The following PRRX1 variants were observed in gnomAD, a reference collection of about 807,000 sequenced individuals.
PRRX1 encodes paired related homeobox 1, also known as paired mesoderm homeobox protein 1.
In PRRX1, 8 loss-of-function variants were observed where a neutral mutation model predicts 24.0. The observed-to-expected ratio is 0.33, with a 90% confidence interval of 0.20 to 0.60. The LOEUF is 0.60. Among genes scored for constraint, PRRX1 ranks in the 20% least tolerant of loss-of-function variants. The pLI is 0.82. For missense variants in PRRX1, 281 were observed against 322.4 expected (o/e 0.87, Z 0.98); for synonymous variants, 160 against 131.7 (o/e 1.22, Z -1.47).
At chr1:170,708,945 G>A (rs1654657714) in intron 1 of PRRX1, among the ~76,000 whole-genome samples, 1 of 152,102 alleles carries the variant, frequency 6.6e-6, no homozygotes, top group South Asian at 2.1e-4. Flanking sequence ...GAGTGTGAAT[G>A]GACCAGGTTG....
intron 3 of PRRX1, among the ~76,000 whole-genome samples, chr1:170,733,931 C>A (rs1655522173): frequency 6.6e-6 from 1 of 152,060 alleles, no homozygotes; most frequent in Non-Finnish European, 1.5e-5. Flanking sequence ...CTAAAACAAA[C>A]TTGTCCCACT....
intron 1 of PRRX1, among the ~76,000 whole-genome samples, chr1:170,677,084 T>C (rs1289244620): frequency 6.6e-6 from 1 of 152,204 alleles, no homozygotes; most frequent in East Asian, 1.9e-4. Flanking sequence ...AAGAATGCAT[T>C]TTGTTGGATT....
chr1:170,692,718 C>T (rs1654033222), intron 1 of PRRX1, among the ~76,000 whole-genome samples: 1 of 119,322 alleles, frequency 8.4e-6, no homozygotes, highest in Non-Finnish European at 1.8e-5. Flanking sequence ...CAAATCCTCT[C>T]TCTCTCTCTC....
At chr1:170,674,218 G>A (rs893576004) in intron 1 of PRRX1, among the ~76,000 whole-genome samples, 5 of 151,650 alleles carry the variant, frequency 3.3e-5, no homozygotes, top group Admixed American at 6.6e-5. Context: ...ACACACACAC[G>A]TGTGCGCGCT....
intron 1 of PRRX1, among the ~76,000 whole-genome samples, chr1:170,665,297 C>G (rs1215909205): frequency 6.6e-6 from 1 of 152,198 alleles, no homozygotes; most frequent in Non-Finnish European, 1.5e-5. Flanking sequence ...GTCCAGTTTC[C>G]CTTCCCCATC....
intron 1 of PRRX1, among the ~76,000 whole-genome samples, chr1:170,688,293 A>G (rs995042521): frequency 2.6e-4 from 39 of 152,106 alleles, no homozygotes; most frequent in Admixed American, 1.2e-3. Context: ...TAGTGTTAAT[A>G]TATATTTCTG....
intron 1 of PRRX1, among the ~76,000 whole-genome samples, chr1:170,693,143 C>T (rs1054899154): frequency 6.6e-6 from 1 of 152,008 alleles, no homozygotes; most frequent in African/African-American, 2.4e-5. Context: ...TCTCAGGAGA[C>T]AGAAGCTATA....
chr1:170,725,678 G>A (rs1235352188), intron 2 of PRRX1, among the ~76,000 whole-genome samples: 2 of 152,102 alleles, frequency 1.3e-5, no homozygotes, highest in Non-Finnish European at 2.9e-5. Flanking sequence ...TTTCATCTCT[G>A]TTACTTCCTT....
At chr1:170,721,377 C>T (rs1049947258) in intron 2 of PRRX1, among the ~76,000 whole-genome samples, 1 of 152,178 alleles carries the variant, frequency 6.6e-6, no homozygotes, top group African/African-American at 2.4e-5. Flanking sequence ...ACAGCCAGAA[C>T]TTGAGCTAGA....
At chr1:170,692,395 C>T (rs963135352) in intron 1 of PRRX1, among the ~76,000 whole-genome samples, 1 of 151,992 alleles carries the variant, frequency 6.6e-6, no homozygotes, top group East Asian at 1.9e-4. Context: ...GTGAGCCTGT[C>T]GGGATATCTT....
chr1:170,729,412 C>A (rs1221149931), intron 3 of PRRX1, among the ~76,000 whole-genome samples: 3 of 151,780 alleles, frequency 2.0e-5, no homozygotes, highest in African/African-American at 4.8e-5. Context: ...CACAGTTATC[C>A]CCTGAAAAAA....
intron 3 of PRRX1, chr1:170,728,525 T>C (rs540454598): frequency 6.6e-6 from 1 of 152,340 alleles, no homozygotes; most frequent in African/African-American, 2.4e-5. Flanking sequence ...TAAAGTCATA[T>C]GACCTAGTAC....
At chr1:170,722,917 C>T (rs1002504014) in intron 2 of PRRX1, among the ~76,000 whole-genome samples, 3 of 152,072 alleles carry the variant, frequency 2.0e-5, no homozygotes, top group Non-Finnish European at 4.4e-5. Context: ...ATTTAGGAGT[C>T]CACAGGTAAT....
At chr1:170,679,535 G>A (rs1353913574) in intron 1 of PRRX1, among the ~76,000 whole-genome samples, 1 of 152,152 alleles carries the variant, frequency 6.6e-6, no homozygotes, top group African/African-American at 2.4e-5. Flanking sequence ...TAGTAGCTGG[G>A]ACTACAGGTG....
chr1:170,689,840 C>G (rs1653873298), intron 1 of PRRX1, among the ~76,000 whole-genome samples: 1 of 10,824 alleles, frequency 9.2e-5, no homozygotes, highest in African/African-American at 3.0e-4. Flanking sequence ...CTCTCTCTCC[C>G]TCTCTCTCTC....
chr1:170,733,523 C>T (rs1655506410), intron 3 of PRRX1, among the ~76,000 whole-genome samples: 1 of 152,108 alleles, frequency 6.6e-6, no homozygotes, highest in Non-Finnish European at 1.5e-5. Context: ...TATACTCTCT[C>T]ATAAGTTTTA....
At chr1:170,711,229 A>G (rs1200610718) in intron 1 of PRRX1, among the ~76,000 whole-genome samples, 1 of 152,190 alleles carries the variant, frequency 6.6e-6, no homozygotes, top group Non-Finnish European at 1.5e-5. Context: ...TATCCTTTTC[A>G]GCCCTCTTCA....
chr1:170,674,079 A>G (rs778239284), intron 1 of PRRX1, among the ~76,000 whole-genome samples: 8 of 152,268 alleles, frequency 5.3e-5, no homozygotes, highest in Non-Finnish European at 1.0e-4. Context: ...TTTAGAACTC[A>G]CAATCACTTT....
chr1:170,698,872 A>AG (rs1029641079), intron 1 of PRRX1, among the ~76,000 whole-genome samples: 5 of 152,072 alleles, frequency 3.3e-5, no homozygotes, highest in Non-Finnish European at 4.4e-5. Flanking sequence ...GGAAGTGTCA[A>AG]GGGGGTCTCT....
Sources: allele counts gnomAD v4.1 joint callset (sites outside exome capture counted in the v4.1 genomes callset), GRCh38; gene constraint gnomAD v4.1.1; transcripts MANE v1.5; gene names NCBI Gene and HGNC (gene_info 2026-07-23, HGNC 2026-07-21).